The following KDM6A variants were observed in gnomAD, a reference collection of about 807,000 sequenced individuals.
KDM6A encodes the protein lysine-specific demethylase 6A.
In KDM6A, 11 loss-of-function variants were observed where a neutral mutation model predicts 117.6. The observed-to-expected ratio is 0.09, with a 90% CI of 0.06 to 0.15. The LOEUF (loss-of-function observed/expected upper bound fraction) is 0.15, where lower values mean the gene tolerates loss of function less well. Ranked by LOEUF, KDM6A falls within the 10% of genes least tolerant of loss-of-function variation. KDM6A has a pLI of 1.00. For missense variants in KDM6A, 799 were observed against 1,077.3 expected, an observed-to-expected ratio of 0.74 and a Z score of 3.62; for synonymous variants, 384 against 396.1, an observed-to-expected ratio of 0.97 and a Z score of 0.36.
At chrX:44,992,805 C>CA (rs1337410747) in intron 4 of KDM6A, among the ~76,000 whole-genome samples, 1 of 110,572 alleles carries the variant, frequency 9.0e-6, no homozygotes, top group Non-Finnish European at 1.9e-5. Flanking sequence ...CTCGGCCTTC[C>CA]AAAGTGCTGG....
At chrX:45,024,773 A>G (rs1315007567) in intron 6 of KDM6A, among the ~76,000 whole-genome samples, 1 of 112,166 alleles carries the variant, frequency 8.9e-6, no homozygotes, top group Non-Finnish European at 1.9e-5. Context: ...TTACAAATAA[A>G]TAGTTTCAGC....
At chrX:44,961,810 C>T (rs2038685373) in intron 3 of KDM6A, among the ~76,000 whole-genome samples, 1 of 112,107 alleles carries the variant, frequency 8.9e-6, no homozygotes, top group African/African-American at 3.2e-5. Context: ...TTATTGTAAA[C>T]AAGTAATACA....
Position 45,063,662 on chromosome X carries a change from A to C in KDM6A, c.1924A>C (p.Thr642Pro). 8.3e-7 allele frequency: 1 copy of C among 1,210,606 alleles called. No individual in the cohort carries two copies. Among genetic ancestry groups the C allele is most frequent in the Non-Finnish European group, 1.1e-6 (1 of 894,868 alleles). ...STSRTLGSTD[T>P]ILIGNNHITG... ...ATCAAGAACGCTGGGAAGTACAGAC[A>C]CTATTTTGATAGGCAATAATCATAT... The change falls in exon 17 of 30, where the codon ACT becomes CCT. Residue 642 changes from threonine (T) to proline (P), a missense_variant. By Grantham distance (38) the Thr-to-Pro change is conservative. Transcript: ENST00000611820.
intron 26 of KDM6A, among the ~76,000 whole-genome samples, chrX:45,090,413 A>G (rs1311778695): frequency 9.0e-6 from 1 of 111,464 alleles, no homozygotes; most frequent in East Asian, 2.8e-4. Context: ...AAGTTATTTA[A>G]CCTCTCTGGT....
chrX:45,111,476 A>G lies in KDM6A; in HGVS notation c.*65A>G. ...TCAGGAAATAACCCAGTTCTGCACC[A>G]CTGGTTTTTGTAGCTATCTCGTAAG... On this transcript the variant is annotated 3_prime_UTR_variant, in exon 30 of 30. Transcript: ENST00000611820. The G allele has an allele frequency of 5.2e-6, 5 of 965,690 alleles. No individual in the cohort carries two copies. The highest frequency in any genetic ancestry group is 5.9e-6 in the Non-Finnish European group (4 of 673,664). The allele number at this position is 965,690 out of a possible 1,213,427, so 79.6% of individuals were successfully genotyped here. A position where few individuals can be genotyped will look rare whatever the true frequency, so the allele number is the denominator to read the frequency against.
At chrX:44,985,709 G>A (rs992554369) in intron 4 of KDM6A, among the ~76,000 whole-genome samples, 6 of 111,764 alleles carry the variant, frequency 5.4e-5, no homozygotes, top group South Asian at 7.5e-4. Flanking sequence ...GCTGGGTTAC[G>A]TTTACTCATT....
intron 2 of KDM6A, among the ~76,000 whole-genome samples, chrX:44,926,348 A>G (rs1414050050): frequency 1.8e-5 from 2 of 111,155 alleles, no homozygotes; most frequent in South Asian, 3.8e-4. Context: ...GCTGGGGTTG[A>G]TTGCGGGTGT....
intron 4 of KDM6A, among the ~76,000 whole-genome samples, chrX:45,000,252 TATTA>T (rs1234001357): frequency 4.4e-5 from 5 of 112,424 alleles, no homozygotes; most frequent in East Asian, 5.6e-4. Flanking sequence ...TCTACATTTT[TATTA>T]ATTGTCACCT....
At chrX:45,086,591 C>T (rs1437298996) in intron 25 of KDM6A, among the ~76,000 whole-genome samples, 1 of 112,092 alleles carries the variant, frequency 8.9e-6, no homozygotes, top group Non-Finnish European at 1.9e-5. Flanking sequence ...CCACCACATC[C>T]AGCCCAGATT....
intron 2 of KDM6A, among the ~76,000 whole-genome samples, chrX:44,946,690 T>C (rs761889491): frequency 9.1e-4 from 102 of 111,487 alleles, no homozygotes; most frequent in African/African-American, 3.0e-3. Context: ...TAGTTTCACA[T>C]TAGGGCCTTT....
intron 2 of KDM6A, among the ~76,000 whole-genome samples, chrX:44,896,216 G>C (rs1391033405): frequency 9.2e-6 from 1 of 109,123 alleles, no homozygotes; most frequent in Non-Finnish European, 1.9e-5. Flanking sequence ...TGGGACTACT[G>C]GCACCTGCCA....
At chrX:44,991,317 T>C (rs888809020) in intron 4 of KDM6A, among the ~76,000 whole-genome samples, 2 of 111,138 alleles carry the variant, frequency 1.8e-5, no homozygotes, top group Admixed American at 1.9e-4. Flanking sequence ...TTTTTCTTTT[T>C]CTCTTCTCTC....
rs78749806 is a variant in KDM6A, at chrX:45,047,674, C to CTTTTTTTTTTTTTTTTTTTTTTTTTTT, written c.655-4032_655-4006dup. On this transcript the variant is annotated intron_variant, in intron 8 of 29. Transcript: ENST00000611820. ...TCAAATATCTGCTTGCTTTTTTTTT[C>CTTTTTTTTTTTTTTTTTTTTTTTTTTT]TTTTTTTTTTTTTTTTTTTTTTTTT... 1.9e-4 allele frequency among the ~76,000 whole-genome samples: 7 copies of CTTTTTTTTTTTTTTTTTTTTTTTTTTT among 36,360 alleles called. 2 individuals carry two copies. Among genetic ancestry groups the CTTTTTTTTTTTTTTTTTTTTTTTTTTT allele is most frequent in the Non-Finnish European group, 3.1e-4 (6 of 19,605 alleles). 31.6% of individuals were successfully genotyped at this position (36,360 alleles called of 115,157 possible). A position where few individuals can be genotyped will look rare whatever the true frequency, so the allele number is the denominator to read the frequency against.
chrX:44,885,896 CACTT>C (rs1250763967), intron 2 of KDM6A, among the ~76,000 whole-genome samples: 2 of 110,421 alleles, frequency 1.8e-5, no homozygotes, highest in East Asian at 2.9e-4. Context: ...CGTCATCTCT[CACTT>C]ACTTAGTTCT....
intron 2 of KDM6A, among the ~76,000 whole-genome samples, chrX:44,923,861 T>C (rs957545410): frequency 4.5e-4 from 50 of 111,535 alleles, no homozygotes; most frequent in African/African-American, 1.6e-3. Flanking sequence ...TAGCTGGGAT[T>C]ACAGGCATCT....
intron 10 of KDM6A, among the ~76,000 whole-genome samples, 198 bp downstream of exon 10, chrX:45,054,153 G>C (rs184877819): frequency 1.1e-4 from 12 of 111,815 alleles, no homozygotes; most frequent in African/African-American, 3.2e-4. Flanking sequence ...GCATAATCTG[G>C]TCTAGCAGGA....
intron 25 of KDM6A, among the ~76,000 whole-genome samples, chrX:45,086,613 A>G (rs764964311): frequency 8.8e-4 from 98 of 111,731 alleles, no homozygotes; most frequent in Non-Finnish European, 1.6e-3. Context: ...TGTTTTCTCT[A>G]GTTGAAAGAA....
At position 44,873,952 on chromosome X, in the gene KDM6A, G is replaced by A. The variant is rs1399789567; in HGVS notation, c.190G>A (p.Glu64Lys). Residue 64 changes from glutamate (E) to lysine (K), a missense_variant, in exon 2 of 30, where the codon GAA (glutamate) becomes AAA (lysine). Physicochemically the swap from Glu to Lys is moderately conservative, Grantham distance 56. This residue lies in a region of KDM6A where 89 missense variants were observed against 117.8 expected (regional missense o/e 0.76). Coordinates refer to ENST00000611820, the MANE Select transcript of KDM6A (RefSeq NM_001291415.2). ...CCTCTTTGGGTTCGTGAGATTTCATGAAGATGGCGCCAGGACGAAGGCCCT... is the reference window on the plus strand; with the variant it reads ...CCTCTTTGGGTTCGTGAGATTTCATAAAGATGGCGCCAGGACGAAGGCCCT... ...SRLFGFVRFH[E>K]DGARTKALLG... 1 of 1,210,102 alleles carries A rather than the reference G, an allele frequency of 8.3e-7. No homozygotes were observed. The highest frequency in any genetic ancestry group is 1.7e-5 in the African/African-American group (1 of 57,438).
chrX:45,053,198 T>C (rs920514971), intron 9 of KDM6A, among the ~76,000 whole-genome samples: 1 of 110,663 alleles, frequency 9.0e-6, no homozygotes, highest in Non-Finnish European at 1.9e-5. Flanking sequence ...CTTTGGGAGG[T>C]CGTGGTGGGT....
Sources: gnomAD v4.1 joint callset for allele counts (sites outside exome capture counted in the v4.1 genomes callset) on GRCh38, gnomAD v4.1.1 for gene constraint, gnomAD v4.1.1 regional missense constraint, MANE v1.5 for transcripts, NCBI Gene and HGNC (gene_info 2026-07-23, HGNC 2026-07-21) for gene names.